PABPC4L: variants seen among roughly 807,000 people sequenced by gnomAD.
PABPC4L encodes the protein poly(A) binding protein cytoplasmic 4 like.
For missense variants in PABPC4L, 452 were observed against 451.4 expected (o/e 1.00, Z -0.01); for synonymous variants, 169 against 164.1 (o/e 1.03, Z -0.23).
the PABPC4L span, among the ~76,000 whole-genome samples, chr4:133,985,565 A>G: frequency 2.9e-3 from 437 of 152,134 alleles, no homozygotes; most frequent in Middle Eastern, 6.8e-3. Context: ...GAAAGAAAAA[A>G]AGAAGGATAT....
the PABPC4L span, among the ~76,000 whole-genome samples, chr4:134,078,855 A>T: frequency 6.8e-6 from 1 of 146,444 alleles, no homozygotes; most frequent in Non-Finnish European, 1.5e-5. Context: ...TTTAGTCGAG[A>T]CGGGGTTTCT....
rs1729702964 is a variant in PABPC4L, at chr4:134,197,586, A to C, written c.*2321T>G. 1 of 151,764 alleles carries C rather than the reference A, an allele frequency of 6.6e-6. No homozygotes were observed. The highest frequency in any genetic ancestry group is 1.5e-5 in the Non-Finnish European group (1 of 67,676). 9.4% of individuals were successfully genotyped at this position (151,764 alleles called of 1,614,324 possible). A position where few individuals can be genotyped will look rare whatever the true frequency, so the allele number is the denominator to read the frequency against. ...GTCTAAAATGTAGTCATAATATGCA[A>C]AGAAATCTAAAAATCCATGTAAATA... On this transcript the variant is annotated 3_prime_UTR_variant, in exon 2 of 2. Coordinates refer to ENST00000421491, the MANE Select transcript of PABPC4L (RefSeq NM_001114734.2).
the PABPC4L span, among the ~76,000 whole-genome samples, chr4:134,093,267 G>A: frequency 1.3e-5 from 2 of 148,342 alleles, no homozygotes; most frequent in Non-Finnish European, 3.0e-5. Flanking sequence ...TCTGGTTTTT[G>A]AGCTGAAAAT....
At chr4:134,201,393 T>C in intron 1 of PABPC4L, 148 bp from the exon 2 acceptor site, 2 of 944,322 alleles carry the variant, frequency 2.1e-6, no homozygotes, top group Non-Finnish European at 2.8e-6. Context: ...TAGGCCTCGC[T>C]CAGAGTGGTT....
the PABPC4L span, among the ~76,000 whole-genome samples, chr4:134,123,068 T>TA: frequency 2.0e-5 from 3 of 152,002 alleles, no homozygotes; most frequent in Admixed American, 6.6e-5. Flanking sequence ...AATACAGGGT[T>TA]AGGTACCTGT....
At chr4:134,094,651 A>AC in the PABPC4L span, among the ~76,000 whole-genome samples, 10 of 151,990 alleles carry the variant, frequency 6.6e-5, no homozygotes, top group Admixed American at 5.9e-4. Flanking sequence ...TTGCCAAGTT[A>AC]CTGAAAAATA....
At chr4:134,047,181 G>C in the PABPC4L span, among the ~76,000 whole-genome samples, 1 of 152,154 alleles carries the variant, frequency 6.6e-6, no homozygotes, top group Non-Finnish European at 1.5e-5. Flanking sequence ...GTTAGCTTAT[G>C]CTTTAAATTT....
the PABPC4L span, among the ~76,000 whole-genome samples, chr4:134,071,052 C>T: frequency 6.6e-6 from 1 of 152,152 alleles, no homozygotes; most frequent in African/African-American, 2.4e-5. Flanking sequence ...CTGTTCCTGC[C>T]ACCTCTCTAA....
At chr4:134,167,029 C>T in the PABPC4L span, among the ~76,000 whole-genome samples, 31,807 of 152,046 alleles carry the variant, frequency 0.21, 4,125 homozygotes, top group Non-Finnish European at 0.27. Flanking sequence ...TCAAAGATGT[C>T]CCTTTTGACC....
the PABPC4L span, among the ~76,000 whole-genome samples, chr4:134,046,413 T>C: frequency 6.6e-6 from 1 of 152,104 alleles, no homozygotes; most frequent in African/African-American, 2.4e-5. Context: ...CACAGGGCAG[T>C]TTTCTCCTAT....
rs1220674276 is a variant in PABPC4L, at chr4:134,200,170, T to C, written c.850A>G (p.Arg284Gly). 4 of 1,551,668 alleles carry C rather than the reference T, an allele frequency of 2.6e-6. No individual in the cohort carries two copies. In the East Asian group the frequency reaches 7.3e-5, roughly 28 times the overall value. The change falls in exon 2 of 2, where the codon AGG (arginine) becomes GGG (glycine). Residue 284 changes from arginine to glycine, a missense_variant. Physicochemically the swap from Arg to Gly is moderately radical, Grantham distance 125. Coordinates refer to ENST00000421491, the MANE Select transcript of PABPC4L (RefSeq NM_001114734.2). ...ELKQMFEQLK[R>G]ERIRGCQGVK... ...CCCTGGCACCCACGAATTCGTTCCCTTTTCAGCTGCTCAAACATTTGCTTT... is the reference window on the plus strand; with the variant it reads ...CCCTGGCACCCACGAATTCGTTCCCCTTTCAGCTGCTCAAACATTTGCTTT...
chr4:134,144,389 T>C, the PABPC4L span, among the ~76,000 whole-genome samples: 1 of 151,544 alleles, frequency 6.6e-6, no homozygotes, highest in African/African-American at 2.4e-5. Context: ...TCTCTGTGTA[T>C]TTATCACCCA....
At chr4:134,015,296 G>C in the PABPC4L span, among the ~76,000 whole-genome samples, 2 of 152,120 alleles carry the variant, frequency 1.3e-5, no homozygotes, top group Non-Finnish European at 2.9e-5. Flanking sequence ...TTACAGGTTA[G>C]TTCAGGATCT....
At chr4:134,011,312 A>G in the PABPC4L span, among the ~76,000 whole-genome samples, 6 of 152,128 alleles carry the variant, frequency 3.9e-5, no homozygotes, top group East Asian at 1.2e-3. Flanking sequence ...AGTTAACATT[A>G]CATTACAAGT....
chr4:134,000,989 C>T, the PABPC4L span, among the ~76,000 whole-genome samples: 5 of 152,012 alleles, frequency 3.3e-5, no homozygotes, highest in African/African-American at 4.8e-5. Context: ...GTTTTATATA[C>T]ATATATAAAA....
chr4:134,123,693 A>T, the PABPC4L span, among the ~76,000 whole-genome samples: 1 of 152,102 alleles, frequency 6.6e-6, no homozygotes, highest in African/African-American at 2.4e-5. Flanking sequence ...ATATCTTGGG[A>T]CTTGTGAAGA....
the PABPC4L span, among the ~76,000 whole-genome samples, chr4:134,182,741 A>G: frequency 6.6e-6 from 1 of 152,030 alleles, no homozygotes; most frequent in Non-Finnish European, 1.5e-5. Context: ...TCTATAAATA[A>G]TGTAAACAAA....
chr4:134,066,227 A>G, the PABPC4L span, among the ~76,000 whole-genome samples: 15 of 152,180 alleles, frequency 9.9e-5, no homozygotes, highest in South Asian at 2.5e-3. Context: ...TTCTTTTATC[A>G]GTGTTTTGTA....
At chr4:134,160,848 G>GA in the PABPC4L span, among the ~76,000 whole-genome samples, 1 of 151,056 alleles carries the variant, frequency 6.6e-6, no homozygotes, top group African/African-American at 2.4e-5. Context: ...AAATTTAAAA[G>GA]AAAAAAGTAA....
Sources: gnomAD v4.1 joint callset for allele counts (sites outside exome capture counted in the v4.1 genomes callset) on GRCh38, gnomAD v4.1.1 for gene constraint, MANE v1.5 for transcripts, NCBI Gene and HGNC (gene_info 2026-07-23, HGNC 2026-07-21) for gene names.